Variants in KCNQ1 observed in about 807,000 individuals in gnomAD.
The protein encoded by KCNQ1 is potassium voltage-gated channel subfamily KQT member 1.
In KCNQ1, 49 loss-of-function variants were observed where a neutral mutation model predicts 72.4. That is an observed-to-expected ratio of 0.68 (90% CI 0.54 to 0.86). The LOEUF is 0.86. Ranked by LOEUF, KCNQ1 falls within the 40% of genes least tolerant of loss-of-function variation. The probability of loss-of-function intolerance (pLI) is 0.00; values close to 1 mark genes in which losing one functional copy is unlikely to be tolerated. For synonymous variants in KCNQ1, 450 were observed against 412.6 expected (o/e 1.09, Z -1.10); for missense variants, 790 against 945.1 (o/e 0.84, Z 2.15).
intron 11 of KCNQ1, among the ~76,000 whole-genome samples, chr11:2,730,900 A>T (rs231907): frequency 0.29 from 43,737 of 152,086 alleles, 6,733 homozygotes; most frequent in Middle Eastern, 0.44. Flanking sequence ...ACCAGGCCAG[A>T]TGGACCAGAG....
In KCNQ1 at chr11:2,593,120, G is replaced by A. The variant is rs945992343; in HGVS notation, c.1393+4266G>A. The stretch of plus-strand genomic sequence containing the variant: ...TTTCACCACTGACCCTTCCCAAGCT[G>A]GTACCATGCCTAACCCATGGTGGGT... On this transcript the variant is annotated intron_variant, in intron 10 of 15. Coordinates refer to ENST00000155840, the MANE Select transcript of KCNQ1 (RefSeq NM_000218.3). The surrounding 1 kb of genome is among the most constrained non-coding windows in gnomAD (Gnocchi z 6.9). 6.6e-6 allele frequency among the ~76,000 whole-genome samples: 1 copy of A among 152,148 alleles called. No homozygotes were observed. The highest frequency in any genetic ancestry group is 1.5e-5 in the Non-Finnish European group (1 of 68,028).
At chr11:2,779,086 CCT>C (rs1315408823) in intron 15 of KCNQ1, among the ~76,000 whole-genome samples, 4 of 152,356 alleles carry the variant, frequency 2.6e-5, no homozygotes, top group Admixed American at 6.5e-5. Flanking sequence ...ACCACAGTAC[CCT>C]GAGTCCCATG....
Position 2,800,450 on chromosome 11 carries a change from C to T in KCNQ1, c.1794+22413C>T, listed in dbSNP as rs572600914. Among the ~76,000 whole-genome samples, 36 of 152,350 alleles carry T rather than the reference C, an allele frequency of 2.4e-4. 3 individuals carry two copies. In the South Asian group the frequency reaches 7.2e-3, roughly 31 times the overall value. On this transcript the variant is annotated intron_variant, in intron 15 of 15. Coordinates refer to ENST00000155840, the MANE Select transcript of KCNQ1 (RefSeq NM_000218.3). ...GCTTTGTAGCCTCTTTCTTCCCCAC[C>T]CCACTTGCCTCACCTCGGCCCAAAC...
In KCNQ1 at chr11:2,723,081, CA is replaced by C. The variant is rs981024437; in HGVS notation, c.1515-45762del. On this transcript the variant is annotated intron_variant, in intron 11 of 15. Transcript: ENST00000155840. The surrounding 1 kb of genome is among the most constrained non-coding windows in gnomAD (Gnocchi z 4.2). ...GCCAGGGTGGTCTGAGCGGAGAGGA[CA>C]GGGGGGATCCCAGACGGATCCTGAA... Among the ~76,000 whole-genome samples the C allele has an allele frequency of 2.6e-5, 4 of 152,206 alleles. No homozygotes were observed. Among genetic ancestry groups the C allele is most frequent in the African/African-American group, 7.2e-5 (3 of 41,444 alleles).
In KCNQ1 at chr11:2,826,835, C is replaced by T. The variant is rs1049505481; in HGVS notation, c.1795-20932C>T. On this transcript the variant is annotated intron_variant, in intron 15 of 15. Coordinates refer to ENST00000155840, the MANE Select transcript of KCNQ1 (RefSeq NM_000218.3). This position sits in a 1 kb window ranked among gnomAD's most constrained non-coding sequence, Gnocchi z 4.2. ...CCCCATATGCTCACAGCCAGAGAGA[C>T]ACACAGGCCAGCAGCCTGTAAACCA... Among the ~76,000 whole-genome samples, 4 of 152,236 alleles carry T rather than the reference C, an allele frequency of 2.6e-5. No individual in the cohort carries two copies. Among genetic ancestry groups the T allele is most frequent in the Non-Finnish European group, 5.9e-5 (4 of 68,046 alleles).
chr11:2,514,390 C>A (rs1301093466), intron 1 of KCNQ1, among the ~76,000 whole-genome samples: 2 of 152,196 alleles, frequency 1.3e-5, no homozygotes, highest in African/African-American at 4.8e-5. Context: ...TGCCGGGTGC[C>A]CTTGACGCAT....
chr11:2,805,084 C>A (rs1847345871), intron 15 of KCNQ1, among the ~76,000 whole-genome samples: 1 of 152,184 alleles, frequency 6.6e-6, no homozygotes, highest in South Asian at 2.1e-4. Context: ...GAGTTTCTGC[C>A]CATGGGCAGC....
At chr11:2,635,144 T>C (rs1849439696) in intron 10 of KCNQ1, 1 of 152,218 alleles carries the variant, frequency 6.6e-6, no homozygotes, top group Non-Finnish European at 1.5e-5. Context: ...CTATTCACTC[T>C]GACGGTAGTT....
chr11:2,778,866 G>A lies in KCNQ1; in HGVS notation c.1794+829G>A, dbSNP rs188616884. On this transcript the variant is annotated intron_variant, in intron 15 of 15. Coordinates refer to ENST00000155840, the MANE Select transcript of KCNQ1 (RefSeq NM_000218.3). ...CTGGCCTGCTTCCATCTCGGCTGCA[G>A]CCGGGCAGGCGGGGCAGGCACAGCC... 3.9e-4 allele frequency among the ~76,000 whole-genome samples: 60 copies of A among 152,326 alleles called. No homozygotes were observed. The East Asian group carries it at 9.9e-3, about 25-fold the overall frequency.
At chr11:2,823,116 C>T (rs1396543244) in intron 15 of KCNQ1, among the ~76,000 whole-genome samples, 1 of 152,068 alleles carries the variant, frequency 6.6e-6, no homozygotes, top group Non-Finnish European at 1.5e-5. Context: ...CACTGAGAAC[C>T]TCTAGCAGAA....
chr11:2,804,926 A>T (rs547723934), intron 15 of KCNQ1, among the ~76,000 whole-genome samples: 7 of 152,222 alleles, frequency 4.6e-5, no homozygotes, highest in Non-Finnish European at 7.3e-5. Context: ...GGAACATGTG[A>T]CAACACATGT....
At position 2,602,234 on chromosome 11, in the gene KCNQ1, G is replaced by A. The variant is rs1260240076; in HGVS notation, c.1393+13380G>A. On this transcript the variant is annotated intron_variant, in intron 10 of 15. Coordinates refer to ENST00000155840, the MANE Select transcript of KCNQ1 (RefSeq NM_000218.3). This position sits in a 1 kb window ranked among gnomAD's most constrained non-coding sequence, Gnocchi z 4.8. The stretch of plus-strand genomic sequence containing the variant: ...AGCCCTGCTGACACCTTGATTTTTC[G>A]TCCCCTAAGACTCTTTTCAGACTTC... 4.0e-5 allele frequency among the ~76,000 whole-genome samples: 6 copies of A among 150,968 alleles called. No homozygotes were observed. Among genetic ancestry groups the A allele is most frequent in the African/African-American group, 1.2e-4 (5 of 40,972 alleles).
chr11:2,709,095 G>A (rs1018148843), intron 11 of KCNQ1, among the ~76,000 whole-genome samples: 11 of 152,074 alleles, frequency 7.2e-5, no homozygotes, highest in African/African-American at 2.7e-4. Context: ...CATCACTGGC[G>A]AGCGGCTGAG....
In KCNQ1 at chr11:2,566,147, C is replaced by G. The variant is rs1007531584; in HGVS notation, c.478-4481C>G. 2.6e-5 allele frequency among the ~76,000 whole-genome samples: 4 copies of G among 152,200 alleles called. No individual in the cohort carries two copies. The highest frequency in any genetic ancestry group is 7.2e-5 in the African/African-American group (3 of 41,446). ...CTCTGGAGTCTCTCTTGGTTACCCTCTCTCTCCCAGGGCCACTTTTGCAGC... is the reference window on the plus strand; with the variant it reads ...CTCTGGAGTCTCTCTTGGTTACCCTGTCTCTCCCAGGGCCACTTTTGCAGC... On this transcript the variant is annotated intron_variant, in intron 2 of 15. Coordinates refer to ENST00000155840, the MANE Select transcript of KCNQ1 (RefSeq NM_000218.3). The surrounding 1 kb of genome is among the most constrained non-coding windows in gnomAD (Gnocchi z 6.7).
At chr11:2,461,708 G>T in intron 1 of KCNQ1, 1 of 1,367,094 alleles carries the variant, frequency 7.3e-7, no homozygotes, top group South Asian at 1.1e-5. Flanking sequence ...GCGGGGCCTG[G>T]CATGGAGTAG....
At position 2,473,848 on chromosome 11, in the gene KCNQ1, C is replaced by T. The variant is rs1425500888; in HGVS notation, c.386+28364C>T. On this transcript the variant is annotated intron_variant, in intron 1 of 15. Coordinates refer to ENST00000155840, the MANE Select transcript of KCNQ1 (RefSeq NM_000218.3). This position sits in a 1 kb window ranked among gnomAD's most constrained non-coding sequence, Gnocchi z 6.0. ...TCAGTGGCACCAGCTGGGCAGACAG[C>T]CGCATGCGCTCACCACTCGCCCTCC... 6.6e-6 allele frequency among the ~76,000 whole-genome samples: 1 copy of T among 152,238 alleles called. No homozygotes were observed. The highest frequency in any genetic ancestry group is 1.5e-5 in the Non-Finnish European group (1 of 68,028).
intron 11 of KCNQ1, among the ~76,000 whole-genome samples, chr11:2,701,120 C>T (rs1001828525): frequency 1.3e-5 from 2 of 152,204 alleles, no homozygotes; most frequent in Non-Finnish European, 2.9e-5. Context: ...CGTCCCCCCA[C>T]CAAGGCACGC....
At position 2,674,086 on chromosome 11, in the gene KCNQ1, T is replaced by G. The variant is rs572040069; in HGVS notation, c.1514+12005T>G. On this transcript the variant is annotated intron_variant, in intron 11 of 15. Transcript: ENST00000155840. This position sits in a 1 kb window ranked among gnomAD's most constrained non-coding sequence, Gnocchi z 5.9. The stretch of plus-strand genomic sequence containing the variant: ...GCCCCATGGGGGCTTGGGCTAGGTC[T>G]CCCTGCCGGTGGGGAGGGAGGTGTG... The G allele has an allele frequency of 2.5e-6, 1 of 398,594 alleles. No individual in the cohort carries two copies. The highest frequency in any genetic ancestry group is 1.3e-4 in the South Asian group (1 of 7,852). The allele number at this position is 398,594 out of a possible 1,614,324, so 24.7% of individuals were successfully genotyped here. A position where few individuals can be genotyped will look rare whatever the true frequency, so the allele number is the denominator to read the frequency against.
At chr11:2,460,779 T>A (rs1005108039) in intron 1 of KCNQ1, among the ~76,000 whole-genome samples, 1 of 152,162 alleles carries the variant, frequency 6.6e-6, no homozygotes, top group Admixed American at 6.5e-5. Context: ...GGTAGGTGTG[T>A]CTCCACAGTG....
Sources: allele counts gnomAD v4.1 joint callset (sites outside exome capture counted in the v4.1 genomes callset), GRCh38; gene constraint gnomAD v4.1.1; non-coding constraint Gnocchi (gnomAD v3.1); transcripts MANE v1.5; gene names NCBI Gene and HGNC (gene_info 2026-07-23, HGNC 2026-07-21).